Variants in RABGAP1L observed in about 807,000 individuals in gnomAD.
RABGAP1L encodes rab GTPase-activating protein 1-like.
Under a neutral mutation model 137.7 loss-of-function variants are expected in RABGAP1L, and 63 were observed. The observed-to-expected ratio is 0.46, with a 90% CI of 0.37 to 0.56. RABGAP1L has a LOEUF of 0.56. Ranked by LOEUF, RABGAP1L falls within the 20% of genes least tolerant of loss-of-function variation. RABGAP1L has a pLI of 0.00. For synonymous variants in RABGAP1L, 431 were observed against 433.7 expected, an observed-to-expected ratio of 0.99 and a Z score of 0.08; for missense variants, 1,095 against 1,244.0, an observed-to-expected ratio of 0.88 and a Z score of 1.80.
At chr1:174,248,194 T>C (rs1672422388) in intron 5 of RABGAP1L, among the ~76,000 whole-genome samples, 2 of 152,198 alleles carry the variant, frequency 1.3e-5, no homozygotes, top group South Asian at 4.1e-4. Context: ...CCTTTCTGTT[T>C]TTAGCTTATC....
intron 13 of RABGAP1L, among the ~76,000 whole-genome samples, chr1:174,433,371 C>G (rs1359314512): frequency 6.6e-6 from 1 of 152,180 alleles, no homozygotes; most frequent in East Asian, 1.9e-4. Context: ...CTGTTTTGAC[C>G]TATTAATTTT....
intron 13 of RABGAP1L, among the ~76,000 whole-genome samples, chr1:174,453,749 A>C (rs1655712260): frequency 6.6e-6 from 1 of 152,232 alleles, no homozygotes; most frequent in African/African-American, 2.4e-5. Flanking sequence ...TAGAGAAAAC[A>C]GTTCCTATTT....
chr1:174,181,029 C>T (rs546372704), intron 1 of RABGAP1L, among the ~76,000 whole-genome samples: 234 of 152,220 alleles, frequency 1.5e-3, no homozygotes, highest in Non-Finnish European at 2.9e-3. Flanking sequence ...AGTAACTTGT[C>T]CTATATGATA....
chr1:174,692,094 T>C (rs1370277855), intron 15 of RABGAP1L, among the ~76,000 whole-genome samples: 1 of 152,194 alleles, frequency 6.6e-6, no homozygotes, highest in Non-Finnish European at 1.5e-5. Context: ...ACACCAATAC[T>C]TTCCTTCTAC....
At chr1:174,210,225 C>G (rs1020097558) in intron 1 of RABGAP1L, among the ~76,000 whole-genome samples, 1 of 152,138 alleles carries the variant, frequency 6.6e-6, no homozygotes, top group Non-Finnish European at 1.5e-5. Context: ...CAAGACCATT[C>G]AGGAAAACAT....
chr1:174,911,164 T>C (rs1262982027), intron 19 of RABGAP1L, among the ~76,000 whole-genome samples: 8 of 152,214 alleles, frequency 5.3e-5, no homozygotes, highest in Non-Finnish European at 1.2e-4. Flanking sequence ...TCAAGTAAAC[T>C]TTTTTATATA....
intron 1 of RABGAP1L, among the ~76,000 whole-genome samples, chr1:174,193,200 C>T (rs1446721299): frequency 6.6e-6 from 1 of 152,152 alleles, no homozygotes; most frequent in Non-Finnish European, 1.5e-5. Flanking sequence ...AAAATTTTAA[C>T]TGCCACATTT....
At chr1:174,499,251 T>G (rs1005257324) in intron 13 of RABGAP1L, among the ~76,000 whole-genome samples, 4 of 95,516 alleles carry the variant, frequency 4.2e-5, no homozygotes, top group African/African-American at 1.3e-4. Context: ...TAAAAACACT[T>G]AAATTAAAAA....
intron 21 of RABGAP1L, among the ~76,000 whole-genome samples, chr1:174,971,474 C>T (rs899722317): frequency 5.3e-5 from 8 of 152,130 alleles, no homozygotes; most frequent in Non-Finnish European, 7.3e-5. Context: ...ATCAGACCTT[C>T]ATTCTTCCTC....
chr1:174,457,137 C>T (rs539416060), intron 13 of RABGAP1L, among the ~76,000 whole-genome samples: 3 of 152,224 alleles, frequency 2.0e-5, no homozygotes, highest in East Asian at 1.9e-4. Context: ...GAGGGATTAA[C>T]GCATTTTAGA....
chr1:174,159,915 ACCT>A, intron 1 of RABGAP1L: 1 of 152,186 alleles, frequency 6.6e-6, no homozygotes, highest in African/African-American at 2.4e-5. Flanking sequence ...CGGCGCCCTT[ACCT>A]GGGGGTGGGG....
chr1:174,885,544 T>C (rs1407284905), intron 19 of RABGAP1L, among the ~76,000 whole-genome samples: 2 of 152,102 alleles, frequency 1.3e-5, no homozygotes, highest in Non-Finnish European at 2.9e-5. Context: ...TTTGTAGAGA[T>C]GGGGTTTCAC....
At chr1:174,563,717 A>G (rs1307970163) in intron 13 of RABGAP1L, among the ~76,000 whole-genome samples, 1 of 152,064 alleles carries the variant, frequency 6.6e-6, no homozygotes, top group Non-Finnish European at 1.5e-5. Flanking sequence ...GGGGAAAATG[A>G]TTTCACTTAA....
intron 15 of RABGAP1L, among the ~76,000 whole-genome samples, chr1:174,694,327 C>A (rs1027280642): frequency 3.3e-5 from 5 of 151,678 alleles, no homozygotes; most frequent in Non-Finnish European, 5.9e-5. Flanking sequence ...TTAGGTATAT[C>A]TCCCAATGCT....
rs957683033 is a variant in RABGAP1L at position 174,546,962 on chromosome 1, G to A, written c.1711-90413G>A. On this transcript the variant is annotated intron_variant, in intron 13 of 25. Transcript: ENST00000681986. ...GGAGAATGGCGTGAACCCGGGAGGCGGAGCTTGCAGTGAGCAGAGATCGCG... is the reference window on the plus strand; with the variant it reads ...GGAGAATGGCGTGAACCCGGGAGGCAGAGCTTGCAGTGAGCAGAGATCGCG... 7.5e-5 allele frequency among the ~76,000 whole-genome samples: 11 copies of A among 145,930 alleles called. No individual in the cohort carries two copies. In the East Asian group the frequency reaches 1.0e-3, roughly 14 times the overall value.
At chr1:174,885,925 C>A (rs865788114) in intron 19 of RABGAP1L, among the ~76,000 whole-genome samples, 2 of 151,876 alleles carry the variant, frequency 1.3e-5, no homozygotes, top group South Asian at 4.2e-4. Context: ...CGAGATCGCA[C>A]CACTGCACTC....
chr1:174,806,728 A>G (rs1473392347), intron 18 of RABGAP1L, among the ~76,000 whole-genome samples: 1 of 152,220 alleles, frequency 6.6e-6, no homozygotes, highest in Non-Finnish European at 1.5e-5. Context: ...CATAAACAGC[A>G]CTACTACTTG....
chr1:174,438,744 G>GTGTGTGTGTATATA (rs1161311071), intron 13 of RABGAP1L, among the ~76,000 whole-genome samples: 1 of 95,456 alleles, frequency 1.0e-5, no homozygotes, highest in African/African-American at 4.8e-5. Context: ...GTGTGTGTGT[G>GTGTGTGTGTATATA]TATATATATA....
chr1:174,914,245 T>C (rs1402311793), intron 19 of RABGAP1L, among the ~76,000 whole-genome samples: 1 of 152,212 alleles, frequency 6.6e-6, no homozygotes, highest in East Asian at 1.9e-4. Flanking sequence ...CTGCTTCCAT[T>C]GATGGGTTCA....
Sources: gnomAD v4.1 joint callset for allele counts (sites outside exome capture counted in the v4.1 genomes callset) on GRCh38, gnomAD v4.1.1 for gene constraint, MANE v1.5 for transcripts, NCBI Gene and HGNC (gene_info 2026-07-23, HGNC 2026-07-21) for gene names.